SLC2A9: variants seen among roughly 807,000 people sequenced by gnomAD.
SLC2A9 encodes solute carrier family 2, facilitated glucose transporter member 9.
SLC2A9 carries 39 observed loss-of-function variants against 50.6 expected under a neutral mutation model. The ratio of observed to expected loss-of-function variants is 0.77; its 90% CI spans 0.60 to 1.01. SLC2A9 has a LOEUF of 1.01. Among genes scored for constraint, SLC2A9 ranks in the 50% least tolerant of loss-of-function variants. The pLI is 0.00. For missense variants in SLC2A9, 686 were observed against 677.6 expected, an observed-to-expected ratio of 1.01 and a Z score of -0.14; for synonymous variants, 324 against 276.9, an observed-to-expected ratio of 1.17 and a Z score of -1.69.
At chr4:9,904,343 T>C (rs1409041714) in intron 8 of SLC2A9, among the ~76,000 whole-genome samples, 1 of 152,208 alleles carries the variant, frequency 6.6e-6, no homozygotes, top group Non-Finnish European at 1.5e-5. Context: ...TCTGCATTCC[T>C]GGGCGTGTGA....
chr4:9,777,489 T>A (rs965797051), downstream of SLC2A9, among the ~76,000 whole-genome samples: 15 of 152,140 alleles, frequency 9.9e-5, no homozygotes, highest in Admixed American at 6.5e-5. Context: ...CCATCAAAAA[T>A]GCTTGTGGAA....
Position 9,955,428 on chromosome 4 carries a change from G to A in SLC2A9, c.682-13383C>T, listed in dbSNP as rs1278136342. 6.5e-5 allele frequency among the ~76,000 whole-genome samples: 3 copies of A among 46,368 alleles called. 1 individual carries two copies. Among genetic ancestry groups the A allele is most frequent in the African/African-American group, 5.7e-4 (3 of 5,282 alleles). The allele number at this position is 46,368 out of a possible 152,430, so 30.4% of individuals were successfully genotyped here. A position where few individuals can be genotyped will look rare whatever the true frequency, so the allele number is the denominator to read the frequency against. On this transcript the variant is annotated intron_variant, in intron 5 of 11. Transcript: ENST00000264784. ...GAGAATGGCGTGAACCCGGGAGGCG[G>A]AGCTTGCAGTGAGCCGAGATTGCGC...
At chr4:9,899,717 A>G (rs983501835) in intron 8 of SLC2A9, among the ~76,000 whole-genome samples, 3 of 152,230 alleles carry the variant, frequency 2.0e-5, no homozygotes, top group Admixed American at 1.3e-4. Flanking sequence ...TGTTTTAAAT[A>G]ATGATCATCC....
chr4:9,884,024 C>G (rs935233941), intron 10 of SLC2A9, among the ~76,000 whole-genome samples: 1 of 152,190 alleles, frequency 6.6e-6, no homozygotes, highest in Non-Finnish European at 1.5e-5. Flanking sequence ...CAGAGACACT[C>G]GGGGTTGGCA....
At chr4:9,904,799 CAACCTCATGCTG>C (rs60157991) in intron 8 of SLC2A9, among the ~76,000 whole-genome samples, 10,985 of 152,250 alleles carry the variant, frequency 0.072, 951 homozygotes, top group East Asian at 0.28. Flanking sequence ...TCCACACTCT[CAACCTCATGCTG>C]AATTTAGTTT....
chr4:9,938,119 C>A (rs1447895876), intron 6 of SLC2A9, among the ~76,000 whole-genome samples: 1 of 152,130 alleles, frequency 6.6e-6, no homozygotes, highest in Admixed American at 6.5e-5. Flanking sequence ...ATATCATTTT[C>A]AGTTTTAAGC....
rs551220735 is a variant in SLC2A9 at position 9,966,564 on chromosome 4, G to A, written c.681+14028C>T. 2.0e-5 allele frequency among the ~76,000 whole-genome samples: 3 copies of A among 151,724 alleles called. No individual in the cohort carries two copies. In the South Asian group the frequency reaches 6.2e-4, roughly 32 times the overall value. On this transcript the variant is annotated intron_variant, in intron 5 of 11. Coordinates refer to ENST00000264784, the MANE Select transcript of SLC2A9 (RefSeq NM_020041.3). ...CCAGCTACTCGAGCGGCTGAGGCAG[G>A]AGAATTGCTAGAACCTGGGAGGCGG...
At chr4:9,785,905 G>A (rs1209686313) in intron 3 of SLC2A9, among the ~76,000 whole-genome samples, 1 of 152,184 alleles carries the variant, frequency 6.6e-6, no homozygotes, top group African/African-American at 2.4e-5. Flanking sequence ...GGGTGGTGAA[G>A]CTGCTGTTTT....
intron 10 of SLC2A9, among the ~76,000 whole-genome samples, chr4:9,836,171 G>T (rs1168063972): frequency 2.7e-5 from 4 of 150,652 alleles, no homozygotes; most frequent in African/African-American, 9.8e-5. Context: ...AGGGGGGTGA[G>T]TTATAAAACA....
chr4:9,943,456 T>C (rs748037426), intron 5 of SLC2A9, among the ~76,000 whole-genome samples: 2 of 152,008 alleles, frequency 1.3e-5, no homozygotes, highest in Non-Finnish European at 2.9e-5. Flanking sequence ...GCTAGAAGGC[T>C]GGGAGGGGTA....
intron 8 of SLC2A9, among the ~76,000 whole-genome samples, chr4:9,898,322 A>G (rs1738945271): frequency 6.6e-6 from 1 of 152,242 alleles, no homozygotes; most frequent in South Asian, 2.1e-4. Context: ...ACATTTTAAA[A>G]AGGAAGAGCT....
At chr4:10,018,846 AATCTCT>A (rs1763102350) in intron 2 of SLC2A9, 123 bp downstream of exon 2, 1 of 844,928 alleles carries the variant, frequency 1.2e-6, no homozygotes, top group Non-Finnish European at 1.9e-6. Flanking sequence ...AGTGGGGGCT[AATCTCT>A]GTCCCCGCGG....
intron 6 of SLC2A9, among the ~76,000 whole-genome samples, chr4:9,933,481 T>C (rs1232145904): frequency 2.0e-5 from 3 of 152,222 alleles, no homozygotes; most frequent in Non-Finnish European, 4.4e-5. Flanking sequence ...AGTGCCTCTC[T>C]GAAATATTAT....
At chr4:9,964,374 T>C (rs6449171) in intron 5 of SLC2A9, among the ~76,000 whole-genome samples, 71,985 of 151,984 alleles carry the variant, frequency 0.47, 18,170 homozygotes, top group African/African-American at 0.64. Context: ...TGAGGGACTC[T>C]GAAGTGGCAG....
Position 9,919,941 on chromosome 4 carries a change from A to T in SLC2A9, c.1002+444T>A, listed in dbSNP as rs1743588765. On this transcript the variant is annotated intron_variant, in intron 7 of 11. Coordinates refer to ENST00000264784, the MANE Select transcript of SLC2A9 (RefSeq NM_020041.3). ...AGACTTCCCTGCCTGCAGCAGCTCA[A>T]GCCCCAGAACATTTCTTACTTAAAG... is the stretch of plus-strand genomic sequence containing the variant. Among the ~76,000 whole-genome samples, 3 of 152,180 alleles carry T rather than the reference A, an allele frequency of 2.0e-5. No individual in the cohort carries two copies. The South Asian group carries it at 6.2e-4, about 32-fold the overall frequency.
At chr4:9,987,294 A>G (rs1031866903) in intron 3 of SLC2A9, among the ~76,000 whole-genome samples, 1 of 151,900 alleles carries the variant, frequency 6.6e-6, no homozygotes, top group Non-Finnish European at 1.5e-5. Flanking sequence ...TAATTTTTGT[A>G]TTTTTAGTAG....
chr4:9,921,143 G>A (rs893996287), intron 6 of SLC2A9, among the ~76,000 whole-genome samples: 1 of 152,124 alleles, frequency 6.6e-6, no homozygotes, highest in African/African-American at 2.4e-5. Flanking sequence ...TGAGCTTAAC[G>A]ACTGCAAGGC....
chr4:9,957,701 A>C (rs1414261176), intron 5 of SLC2A9, among the ~76,000 whole-genome samples: 1 of 152,206 alleles, frequency 6.6e-6, no homozygotes, highest in Non-Finnish European at 1.5e-5. Flanking sequence ...AAAATAATAA[A>C]AATACAGTGG....
chr4:9,915,860 C>G (rs34213329), intron 7 of SLC2A9, among the ~76,000 whole-genome samples: 2,423 of 152,314 alleles, frequency 0.016, 25 homozygotes, highest in Middle Eastern at 0.031. Flanking sequence ...AGAATCTTTT[C>G]AAAACCAAAG....
Sources: gnomAD v4.1 joint callset for allele counts (sites outside exome capture counted in the v4.1 genomes callset) on GRCh38, gnomAD v4.1.1 for gene constraint, MANE v1.5 for transcripts, NCBI Gene and HGNC (gene_info 2026-07-23, HGNC 2026-07-21) for gene names.